Variants in LMNA observed in about 807,000 individuals in gnomAD.
LMNA encodes the protein lamin A/C.
In LMNA, 20 loss-of-function variants were observed where a neutral mutation model predicts 70.4. The ratio of observed to expected loss-of-function variants is 0.28; its 90% CI spans 0.20 to 0.41. LMNA has a LOEUF of 0.41. Ranked by LOEUF, LMNA falls within the 10% of genes least tolerant of loss-of-function variation. LMNA has a pLI of 1.00. For missense variants in LMNA, 652 were observed against 917.2 expected, an observed-to-expected ratio of 0.71 and a Z score of 3.73; for synonymous variants, 339 against 372.8, an observed-to-expected ratio of 0.91 and a Z score of 1.04.
chr1:156,094,770 C>CT (rs200551772), intron 3 of LMNA, among the ~76,000 whole-genome samples: 237 of 150,722 alleles, frequency 1.6e-3, no homozygotes, highest in African/African-American at 5.2e-3. Context: ...CTAGTGCTTT[C>CT]TTTTTTTTTG....
intron 3 of LMNA, among the ~76,000 whole-genome samples, chr1:156,105,720 A>G (rs1479438358): frequency 6.6e-6 from 1 of 152,214 alleles, no homozygotes; most frequent in Admixed American, 6.5e-5. Context: ...TCCCATGTCC[A>G]TAACATTTGC....
chr1:156,111,787 A>G (rs1234809585), upstream of LMNA, among the ~76,000 whole-genome samples: 1 of 152,212 alleles, frequency 6.6e-6, no homozygotes, highest in Non-Finnish European at 1.5e-5. Context: ...AGAATTCAGT[A>G]GCAGATCTAG....
chr1:156,105,252 C>G (rs927056228), intron 3 of LMNA, among the ~76,000 whole-genome samples: 8 of 152,168 alleles, frequency 5.3e-5, no homozygotes, highest in African/African-American at 1.9e-4. Context: ...GGGAGTTGGA[C>G]TAATGTGGAT....
chr1:156,136,952 G>T lies in LMNA; in HGVS notation c.1412G>T (p.Arg471Leu). The stretch of plus-strand genomic sequence containing the variant: ...TCCATGGGCAATTGGCAGATCAAGC[G>T]CCAGAATGGAGATGATCCCTTGCTG... ...DQSMGNWQIK[R>L]QNGDDPLLTY... Residue 471 changes from arginine (R) to leucine (L), a missense_variant, in exon 8 of 12, where the codon CGC becomes CTC. Around this residue, in one of 4 missense-constraint regions of LMNA, gnomAD observed 327 missense variants for 387.6 expected, o/e 0.84. Transcript: ENST00000368300. The surrounding 1 kb of genome is among the most constrained non-coding windows in gnomAD (Gnocchi z 6.1). 2 of 1,614,138 alleles carry T rather than the reference G, an allele frequency of 1.2e-6. No individual in the cohort carries two copies. Among genetic ancestry groups the T allele is most frequent in the Non-Finnish European group, 1.7e-6 (2 of 1,180,010 alleles).
At chr1:156,114,206 G>T (rs1269917794), upstream of LMNA, among the ~76,000 whole-genome samples, 1 of 152,186 alleles carries the variant, frequency 6.6e-6, no homozygotes, top group Non-Finnish European at 1.5e-5. Context: ...CTCTGAATGG[G>T]CTGCCCACGT....
At chr1:156,084,235 C>T (rs1216635925) in intron 2 of LMNA, among the ~76,000 whole-genome samples, 1 of 150,044 alleles carries the variant, frequency 6.7e-6, no homozygotes, top group Non-Finnish European at 1.5e-5. Context: ...GAGGGCTGAG[C>T]TGTTTAGTCC....
At chr1:156,109,472 C>T (rs1649459134), upstream of LMNA, 1 of 152,464 alleles carries the variant, frequency 6.6e-6, no homozygotes, top group South Asian at 2.1e-4. Flanking sequence ...TCCCCATGCC[C>T]CTTGGCAGGT....
rs1651498056 is a variant in LMNA at position 156,135,579 on chromosome 1, C to CA, written c.936+268dup. On this transcript the variant is annotated intron_variant, in intron 5 of 11. Transcript: ENST00000368300. The surrounding 1 kb of genome is among the most constrained non-coding windows in gnomAD (Gnocchi z 4.8). Reference sequence around the variant, plus strand: ...GAGGCTGTTCTTAATCTCCCTAACTCAGAGTTGCCACAGGACTCTGCAATG... The same window carrying CA: ...GAGGCTGTTCTTAATCTCCCTAACTCAAGAGTTGCCACAGGACTCTGCAATG... 6.6e-6 allele frequency among the ~76,000 whole-genome samples: 1 copy of CA among 152,234 alleles called. No individual in the cohort carries two copies. Among genetic ancestry groups the CA allele is most frequent in the Admixed American group, 6.5e-5 (1 of 15,290 alleles).
At chr1:156,117,550 A>T (rs1649920933) in intron 1 of LMNA, among the ~76,000 whole-genome samples, 1 of 151,736 alleles carries the variant, frequency 6.6e-6, no homozygotes, top group Admixed American at 6.6e-5. Flanking sequence ...TTTTCTTGAG[A>T]TAGGGTTTCA....
chr1:156,095,336 C>T (rs1194395188), intron 3 of LMNA, among the ~76,000 whole-genome samples: 3 of 151,980 alleles, frequency 2.0e-5, no homozygotes, highest in Admixed American at 2.0e-4. Flanking sequence ...AGGAGGCATT[C>T]AATAAAAATT....
chr1:156,098,988 G>C (rs933443835), intron 3 of LMNA, among the ~76,000 whole-genome samples: 1 of 152,132 alleles, frequency 6.6e-6, no homozygotes, highest in Non-Finnish European at 1.5e-5. Context: ...CTTTCTAATC[G>C]GGCTTAATTG....
chr1:156,127,060 C>T (rs929127623), intron 1 of LMNA: 5 of 782,278 alleles, frequency 6.4e-6, no homozygotes, highest in Admixed American at 2.9e-5. Context: ...GGGGACGGCA[C>T]TCAGCGTGTG....
upstream of LMNA, chr1:156,109,888 C>T (rs1421562159): frequency 1.3e-5 from 2 of 151,206 alleles, no homozygotes; most frequent in Non-Finnish European, 1.5e-5. Context: ...TTCTCTCTTG[C>T]TCAGGCTGGA....
intron 2 of LMNA, among the ~76,000 whole-genome samples, chr1:156,132,384 C>T (rs1224625089): frequency 6.6e-6 from 1 of 151,770 alleles, no homozygotes; most frequent in Non-Finnish European, 1.5e-5. Flanking sequence ...GCAGGAGAAT[C>T]GCTTGAACCC....
chr1:156,135,012 C>G lies in LMNA; in HGVS notation c.810+37C>G. Reference sequence around the variant, plus strand: ...CGATTGGTTCCCTCACTGCCTCTGCCCTTGGCAGCCCTACCCTTACCCACG... The same window carrying G: ...CGATTGGTTCCCTCACTGCCTCTGCGCTTGGCAGCCCTACCCTTACCCACG... On this transcript the variant is annotated intron_variant, in intron 4 of 11. Coordinates refer to ENST00000368300, the MANE Select transcript of LMNA (RefSeq NM_170707.4). This position sits in a 1 kb window ranked among gnomAD's most constrained non-coding sequence, Gnocchi z 4.8. 6.2e-7 allele frequency: 1 copy of G among 1,613,582 alleles called. No individual in the cohort carries two copies. Among genetic ancestry groups the G allele is most frequent in the Non-Finnish European group, 8.5e-7 (1 of 1,179,750 alleles).
chr1:156,135,113 G>C lies in LMNA; in HGVS notation c.811-74G>C, dbSNP rs1651436181. On this transcript the variant is annotated intron_variant, in intron 4 of 11. Coordinates refer to ENST00000368300, the MANE Select transcript of LMNA (RefSeq NM_170707.4). The surrounding 1 kb of genome is among the most constrained non-coding windows in gnomAD (Gnocchi z 4.8). ...TGGCCCAGGACCTGGGGCTGTAGCA[G>C]TGATGCCCAACTCAGGCCTGTGCCT... 6.2e-7 allele frequency: 1 copy of C among 1,612,098 alleles called. No homozygotes were observed. The highest frequency in any genetic ancestry group is 1.3e-5 in the African/African-American group (1 of 74,912).
At chr1:156,130,062 G>T (rs1650911530) in intron 1 of LMNA, among the ~76,000 whole-genome samples, 1 of 152,148 alleles carries the variant, frequency 6.6e-6, no homozygotes, top group Non-Finnish European at 1.5e-5. Context: ...GTCCCTCTGA[G>T]CTCTAACCAG....
chr1:156,099,468 T>TAAAAGAGA (rs946303148), intron 3 of LMNA, among the ~76,000 whole-genome samples: 3 of 152,116 alleles, frequency 2.0e-5, no homozygotes. Flanking sequence ...TTCTCACCTG[T>TAAAAGAGA]AAAATGGAAC....
upstream of LMNA, chr1:156,109,664 A>G (rs986924514): frequency 1.3e-5 from 2 of 152,234 alleles, no homozygotes; most frequent in Non-Finnish European, 2.9e-5. Flanking sequence ...AAGCAGGGAA[A>G]TAATTTCCAA....
Sources: gnomAD v4.1 joint callset for allele counts (sites outside exome capture counted in the v4.1 genomes callset) on GRCh38, gnomAD v4.1.1 for gene constraint, gnomAD v4.1.1 regional missense constraint, Gnocchi (gnomAD v3.1) non-coding constraint, MANE v1.5 for transcripts, NCBI Gene and HGNC (gene_info 2026-07-23, HGNC 2026-07-21) for gene names.